Variants in KIAA0825 observed in about 807,000 individuals in gnomAD.
The protein encoded by KIAA0825 is KIAA0825.
A neutral mutation model predicts 147.6 loss-of-function variants in KIAA0825; 119 were observed. That is an observed-to-expected ratio of 0.81 (90% CI 0.69 to 0.94). The LOEUF is 0.94. Ranked by LOEUF, KIAA0825 falls within the 40% of genes least tolerant of loss-of-function variation. The pLI is 0.00. For missense variants in KIAA0825, 1,381 were observed against 1,472.7 expected (o/e 0.94, Z 1.02); for synonymous variants, 470 against 518.1 (o/e 0.91, Z 1.26).
intron 2 of KIAA0825, among the ~76,000 whole-genome samples, chr5:94,572,100 T>TA (rs1161335580): frequency 0.39 from 52,617 of 136,042 alleles, 10,359 homozygotes; most frequent in Non-Finnish European, 0.47. Flanking sequence ...CTCTATCTCT[T>TA]AAAAAAAAAA....
At chr5:94,173,190 G>T (rs1323549952) in intron 20 of KIAA0825, among the ~76,000 whole-genome samples, 3 of 146,532 alleles carry the variant, frequency 2.0e-5, no homozygotes, top group Non-Finnish European at 4.4e-5. Context: ...GAGAAAAGAT[G>T]CTGTTACCAG....
At chr5:94,324,571 T>C (rs1182327349) in intron 20 of KIAA0825, among the ~76,000 whole-genome samples, 1 of 152,026 alleles carries the variant, frequency 6.6e-6, no homozygotes, top group Non-Finnish European at 1.5e-5. Context: ...GAGGAATTGA[T>C]TCAGTCTTTG....
At position 94,391,516 on chromosome 5, in the gene KIAA0825, A is replaced by G. The variant is rs200795815; in HGVS notation, c.3456+19T>C. 3.8e-5 allele frequency: 59 copies of G among 1,551,216 alleles called. No homozygotes were observed. Among genetic ancestry groups the G allele is most frequent in the Non-Finnish European group, 4.9e-5 (56 of 1,146,790 alleles). ...GCCAGTACACACCTAATTGCTCGATAAAAAGGCCGTTTCCCTACCTCATTG... is the reference window on the plus strand; with the variant it reads ...GCCAGTACACACCTAATTGCTCGATGAAAAGGCCGTTTCCCTACCTCATTG... On this transcript the variant is annotated intron_variant, in intron 18 of 20. Transcript: ENST00000682413.
chr5:94,288,759 A>G (rs776198925), intron 20 of KIAA0825, among the ~76,000 whole-genome samples: 2 of 152,216 alleles, frequency 1.3e-5, no homozygotes, highest in Non-Finnish European at 2.9e-5. Context: ...TGCCAAGTCA[A>G]ACAACGTGCC....
At chr5:94,356,147 C>T (rs999820532) in intron 20 of KIAA0825, among the ~76,000 whole-genome samples, 7 of 152,026 alleles carry the variant, frequency 4.6e-5, no homozygotes, top group African/African-American at 1.7e-4. Flanking sequence ...TGATGAGCAC[C>T]AATGTACTTA....
chr5:94,464,995 A>C lies in KIAA0825; in HGVS notation c.1937T>G (p.Leu646Arg). The change falls in exon 11 of 21, where the codon CTC (leucine) becomes CGC (arginine). Residue 646 changes from leucine to arginine, a missense_variant. By Grantham distance (102) the Leu-to-Arg change is moderately radical (BLOSUM62 -2). Coordinates refer to ENST00000682413, the MANE Select transcript of KIAA0825 (RefSeq NM_001145678.3). The part of the protein sequence containing the change: ...HYFCWSLHYD[L>R]WTILPPKLAQ... The stretch of plus-strand genomic sequence containing the variant: ...TAACTTAGGAGGCAGAATGGTCCAG[A>C]GATCGTAATGAAGAGACCAGCAGAA... 2 of 1,551,718 alleles carry C rather than the reference A, an allele frequency of 1.3e-6. No homozygotes were observed. Among genetic ancestry groups the C allele is most frequent in the Non-Finnish European group, 1.7e-6 (2 of 1,146,988 alleles).
At chr5:94,519,225 T>C (rs1767719645) in intron 5 of KIAA0825, 1 of 889,476 alleles carries the variant, frequency 1.1e-6, no homozygotes, top group African/African-American at 1.8e-5. Context: ...TTTGGTCAAC[T>C]GAAATTTTAT....
At chr5:94,505,510 C>T (rs921103704) in intron 5 of KIAA0825, among the ~76,000 whole-genome samples, 1 of 152,080 alleles carries the variant, frequency 6.6e-6, no homozygotes, top group African/African-American at 2.4e-5. Context: ...CCCCCCTACA[C>T]CACCAATAAA....
At chr5:94,465,174 C>CTA in intron 10 of KIAA0825, 115 bp from the exon 11 acceptor site, 1 of 874,144 alleles carries the variant, frequency 1.1e-6, no homozygotes, top group Non-Finnish European at 1.7e-6. Context: ...GTTTGACACA[C>CTA]TAGAAGACCA....
At chr5:94,212,086 T>C (rs889551518) in intron 20 of KIAA0825, among the ~76,000 whole-genome samples, 5 of 152,202 alleles carry the variant, frequency 3.3e-5, no homozygotes, top group Non-Finnish European at 7.3e-5. Context: ...GTAAAATTAT[T>C]GTATGATTTC....
intron 18 of KIAA0825, among the ~76,000 whole-genome samples, chr5:94,388,394 G>A (rs896843304): frequency 6.6e-6 from 1 of 152,132 alleles, no homozygotes; most frequent in African/African-American, 2.4e-5. Context: ...TAATTCTTTA[G>A]TGTCTGATGG....
At chr5:94,563,226 T>C (rs1015911645) in intron 2 of KIAA0825, among the ~76,000 whole-genome samples, 17 of 149,852 alleles carry the variant, frequency 1.1e-4, no homozygotes, top group Admixed American at 4.0e-4. Flanking sequence ...GGCGTGGTGG[T>C]GGGCGCCTGT....
At chr5:94,609,184 C>G (rs1019113617) in intron 1 of KIAA0825, among the ~76,000 whole-genome samples, 7 of 152,152 alleles carry the variant, frequency 4.6e-5, no homozygotes, top group African/African-American at 1.7e-4. Flanking sequence ...CAACTACATA[C>G]ATGTGTAAGG....
intron 5 of KIAA0825, among the ~76,000 whole-genome samples, chr5:94,497,599 C>T (rs1764536978): frequency 6.6e-6 from 1 of 152,136 alleles, no homozygotes; most frequent in African/African-American, 2.4e-5. Context: ...AAAAACAAGT[C>T]ACAGAGCCAG....
At chr5:94,386,013 C>T (rs1005294367) in intron 19 of KIAA0825, among the ~76,000 whole-genome samples, 1 of 152,010 alleles carries the variant, frequency 6.6e-6, no homozygotes, top group African/African-American at 2.4e-5. Flanking sequence ...GGTAAACTGA[C>T]CAGCCAAAAG....
Position 94,473,409 on chromosome 5 carries a change from C to G in KIAA0825, c.1338G>C (p.Gln446His). The change falls in exon 8 of 21, where the codon CAG becomes CAC. Residue 446 changes from glutamine to histidine, a missense_variant. Physicochemically the swap from Gln to His is conservative, Grantham distance 24 (BLOSUM62 0). Transcript: ENST00000682413. ...IEGFSTKILQ[Q>H]EQNERSSAVS... ...CAGCTGAAGACCTTTCATTCTGTTC[C>G]TGTTGGAGAATTTTTGTGGAAAAAC... is the stretch of plus-strand genomic sequence containing the variant. The G allele has an allele frequency of 6.4e-7, 1 of 1,552,028 alleles. No individual in the cohort carries two copies. Among genetic ancestry groups the G allele is most frequent in the Non-Finnish European group, 8.7e-7 (1 of 1,147,050 alleles).
chr5:94,248,011 AACTC>A (rs1393895435), intron 20 of KIAA0825, among the ~76,000 whole-genome samples: 1 of 152,146 alleles, frequency 6.6e-6, no homozygotes, highest in African/African-American at 2.4e-5. Flanking sequence ...TCTCACTACT[AACTC>A]AAAAAATGTA....
intron 2 of KIAA0825, chr5:94,569,750 T>C (rs58561035): frequency 0.52 from 138,659 of 267,650 alleles, 36,890 homozygotes; most frequent in Non-Finnish European, 0.56. Context: ...CCACATCACC[T>C]GAGACGTAAA....
chr5:94,282,052 C>T (rs1419294324), intron 20 of KIAA0825, among the ~76,000 whole-genome samples: 1 of 152,072 alleles, frequency 6.6e-6, no homozygotes, highest in Admixed American at 6.6e-5. Context: ...CAAGTTGCTT[C>T]GTAAATATTC....
Sources: allele counts gnomAD v4.1 joint callset (sites outside exome capture counted in the v4.1 genomes callset), GRCh38; gene constraint gnomAD v4.1.1; transcripts MANE v1.5; gene names NCBI Gene and HGNC (gene_info 2026-07-23, HGNC 2026-07-21).